HS3ST4: variants seen among roughly 807,000 people sequenced by gnomAD.
HS3ST4 encodes heparan sulfate-glucosamine 3-sulfotransferase 4.
HS3ST4 carries 17 observed loss-of-function variants against 29.2 expected under a neutral mutation model. The ratio of observed to expected loss-of-function variants is 0.58; its 90% confidence interval spans 0.40 to 0.87. The LOEUF (loss-of-function observed/expected upper bound fraction) is 0.87. Among genes scored for constraint, HS3ST4 ranks in the 40% least tolerant of loss-of-function variants. The pLI, the probability that HS3ST4 is intolerant of heterozygous loss-of-function variation, is 0.00. For missense variants in HS3ST4, 627 were observed against 634.5 expected, an observed-to-expected ratio of 0.99 and a Z score of 0.13; for synonymous variants, 314 against 285.7, an observed-to-expected ratio of 1.10 and a Z score of -1.00.
At chr16:25,814,549 G>A (rs1447070291) in intron 1 of HS3ST4, among the ~76,000 whole-genome samples, 1 of 152,168 alleles carries the variant, frequency 6.6e-6, no homozygotes, top group Non-Finnish European at 1.5e-5. Flanking sequence ...GTTTCACCAT[G>A]TTGGTCAGGC....
chr16:26,117,277 T>A (rs1409924012), intron 1 of HS3ST4, among the ~76,000 whole-genome samples: 1 of 152,198 alleles, frequency 6.6e-6, no homozygotes, highest in Admixed American at 6.5e-5. Flanking sequence ...CAACCATAAA[T>A]GAACCAGCAC....
At chr16:25,847,013 GTT>G (rs5816327) in intron 1 of HS3ST4, among the ~76,000 whole-genome samples, 81 of 138,322 alleles carry the variant, frequency 5.9e-4, no homozygotes, top group East Asian at 1.1e-3. Context: ...ATCAACACGA[GTT>G]TTTTTTTTTT....
chr16:25,775,640 A>G (rs533711659), intron 1 of HS3ST4, among the ~76,000 whole-genome samples: 47 of 152,232 alleles, frequency 3.1e-4, no homozygotes, highest in African/African-American at 1.1e-3. Context: ...AATTCCTCAC[A>G]ACTTTTGTCT....
At chr16:26,075,329 A>T (rs1898649578) in intron 1 of HS3ST4, among the ~76,000 whole-genome samples, 1 of 152,122 alleles carries the variant, frequency 6.6e-6, no homozygotes, top group Non-Finnish European at 1.5e-5. Flanking sequence ...CTCCCATAGT[A>T]CTCAGAGCAC....
At chr16:25,919,103 C>G (rs377324146) in intron 1 of HS3ST4, among the ~76,000 whole-genome samples, 81 of 152,292 alleles carry the variant, frequency 5.3e-4, no homozygotes, top group African/African-American at 1.9e-3. Flanking sequence ...ATAGCTCACT[C>G]TAGCCTCAAA....
chr16:25,958,476 G>C (rs559565082), intron 1 of HS3ST4, among the ~76,000 whole-genome samples: 2 of 151,908 alleles, frequency 1.3e-5, no homozygotes, highest in Admixed American at 6.6e-5. Context: ...GACTACAGGC[G>C]TGCACCACCA....
intron 1 of HS3ST4, among the ~76,000 whole-genome samples, chr16:26,110,931 T>A (rs1156788093): frequency 6.6e-6 from 1 of 152,170 alleles, no homozygotes; most frequent in Non-Finnish European, 1.5e-5. Context: ...AGAACAGGTT[T>A]TCCCTAGAGA....
At chr16:25,730,393 G>A (rs1341873118) in intron 1 of HS3ST4, among the ~76,000 whole-genome samples, 8 of 108,146 alleles carry the variant, frequency 7.4e-5, no homozygotes, top group Admixed American at 4.0e-4. Flanking sequence ...CCCCTCCCTC[G>A]TCCTTCTCTC....
At position 26,107,966 on chromosome 16, in the gene HS3ST4, C is replaced by T. The variant is rs79180410; in HGVS notation, c.735-27646C>T. Reference sequence around the variant, plus strand: ...TGCTTTTAACTCTTTGAGAAATCTCCGCACTGTGGAAAACACTGTTCTATT... The same window carrying T: ...TGCTTTTAACTCTTTGAGAAATCTCTGCACTGTGGAAAACACTGTTCTATT... On this transcript the variant is annotated intron_variant, in intron 1 of 1. Coordinates refer to ENST00000331351, the MANE Select transcript of HS3ST4 (RefSeq NM_006040.3). Among the ~76,000 whole-genome samples the T allele has an allele frequency of 2.0e-4, 30 of 152,086 alleles. No individual in the cohort carries two copies. The East Asian group carries it at 2.3e-3, about 12-fold the overall frequency.
chr16:25,707,965 A>G (rs553489750), intron 1 of HS3ST4, among the ~76,000 whole-genome samples: 1 of 152,202 alleles, frequency 6.6e-6, no homozygotes, highest in African/African-American at 2.4e-5. Flanking sequence ...GCTGGTGAAC[A>G]GTGTCATCAT....
chr16:25,749,451 C>T lies in HS3ST4; in HGVS notation c.734+56300C>T, dbSNP rs147890807. 2.0e-4 allele frequency among the ~76,000 whole-genome samples: 31 copies of T among 152,066 alleles called. 1 individual carries two copies. In the East Asian group the frequency reaches 5.4e-3, roughly 27 times the overall value. ...TTGAAGCCGCTATGAGCCATCATTG[C>T]ACCACTGTATTCCAGCCTGGGCAAT... On this transcript the variant is annotated intron_variant, in intron 1 of 1. Coordinates refer to ENST00000331351, the MANE Select transcript of HS3ST4 (RefSeq NM_006040.3).
At chr16:25,986,536 G>GA (rs573941933) in intron 1 of HS3ST4, among the ~76,000 whole-genome samples, 414 of 152,324 alleles carry the variant, frequency 2.7e-3, no homozygotes, top group Non-Finnish European at 4.2e-3. Flanking sequence ...ACATCCAGGG[G>GA]AAACAAGTCA....
intron 1 of HS3ST4, among the ~76,000 whole-genome samples, chr16:25,741,382 A>AAAAAAAAAAG (rs1966651311): frequency 6.7e-6 from 1 of 149,738 alleles, no homozygotes; most frequent in Non-Finnish European, 1.5e-5. Context: ...AAAAAAAAAA[A>AAAAAAAAAAG]AAAAAAAAGG....
chr16:25,892,353 C>G (rs1001461135), intron 1 of HS3ST4, among the ~76,000 whole-genome samples: 1 of 152,108 alleles, frequency 6.6e-6, no homozygotes, highest in Non-Finnish European at 1.5e-5. Context: ...ATTATGACCC[C>G]GAACACACTT....
intron 1 of HS3ST4, among the ~76,000 whole-genome samples, chr16:26,053,422 A>G (rs1240633240): frequency 6.6e-6 from 1 of 152,178 alleles, no homozygotes; most frequent in Non-Finnish European, 1.5e-5. Context: ...CTTCCAGAAG[A>G]TTTAAGCAAT....
chr16:25,854,350 G>A (rs545407426), intron 1 of HS3ST4, among the ~76,000 whole-genome samples: 3 of 152,272 alleles, frequency 2.0e-5, no homozygotes, highest in Admixed American at 6.5e-5. Context: ...CTGTCATCGT[G>A]CCAGTGGGAG....
chr16:25,710,184 T>C (rs780129471), intron 1 of HS3ST4, among the ~76,000 whole-genome samples: 1 of 152,214 alleles, frequency 6.6e-6, no homozygotes, highest in Non-Finnish European at 1.5e-5. Flanking sequence ...AAAAATTCCC[T>C]TGTCCAATCT....
intron 1 of HS3ST4, among the ~76,000 whole-genome samples, chr16:25,795,394 A>G (rs1283724117): frequency 1.3e-5 from 2 of 151,880 alleles, no homozygotes; most frequent in Non-Finnish European, 2.9e-5. Flanking sequence ...TAACTTACAT[A>G]CTGAATTCTT....
intron 1 of HS3ST4, among the ~76,000 whole-genome samples, chr16:25,927,669 C>T (rs772144098): frequency 2.0e-5 from 3 of 150,184 alleles, no homozygotes; most frequent in Non-Finnish European, 4.4e-5. Flanking sequence ...GGCAGCTGCT[C>T]CTCAGCCCCA....
Sources: allele counts gnomAD v4.1 joint callset (sites outside exome capture counted in the v4.1 genomes callset), GRCh38; gene constraint gnomAD v4.1.1; transcripts MANE v1.5; gene names NCBI Gene and HGNC (gene_info 2026-07-23, HGNC 2026-07-21).